Variants in MAP3K7CL observed in about 807,000 individuals in gnomAD.
MAP3K7CL encodes MAP3K7 C-terminal-like protein.
Under a neutral mutation model 18.6 loss-of-function variants are expected in MAP3K7CL, and 16 were observed. The observed-to-expected ratio is 0.86, with a 90% CI of 0.58 to 1.31. MAP3K7CL has a LOEUF of 1.31. Among genes scored for constraint, MAP3K7CL ranks in the 50% most tolerant of loss-of-function variants. MAP3K7CL has a pLI of 0.00. For missense variants in MAP3K7CL, 163 were observed against 174.4 expected (o/e 0.93, Z 0.37); for synonymous variants, 65 against 66.8 (o/e 0.97, Z 0.13).
chr21:29,087,530 A>T (rs2146488277), intron 1 of MAP3K7CL, among the ~76,000 whole-genome samples: 1 of 151,308 alleles, frequency 6.6e-6, no homozygotes, highest in East Asian at 1.9e-4. Flanking sequence ...CTTAGGTCGT[A>T]TATCTCCTAA....
chr21:29,144,040 C>T (rs2087069455), intron 2 of MAP3K7CL, among the ~76,000 whole-genome samples: 1 of 152,102 alleles, frequency 6.6e-6, no homozygotes, highest in Admixed American at 6.6e-5. Flanking sequence ...GAAATGTTCT[C>T]TCTGTCCTAA....
chr21:29,088,347 A>G (rs1744236453), intron 1 of MAP3K7CL, among the ~76,000 whole-genome samples: 1 of 152,214 alleles, frequency 6.6e-6, no homozygotes, highest in Admixed American at 6.5e-5. Context: ...GCAAGTGTTT[A>G]TTTTAAAATA....
chr21:29,165,514 C>CGTTGT (rs2087663673), intron 4 of MAP3K7CL, among the ~76,000 whole-genome samples: 2 of 151,996 alleles, frequency 1.3e-5, no homozygotes, highest in African/African-American at 2.4e-5. Flanking sequence ...CCCCAAAGTC[C>CGTTGT]ATTGTATTAT....
intron 1 of MAP3K7CL, among the ~76,000 whole-genome samples, chr21:29,078,868 G>T (rs1239083055): frequency 1.3e-5 from 2 of 152,178 alleles, no homozygotes; most frequent in Non-Finnish European, 2.9e-5. Flanking sequence ...ATGAGACAAG[G>T]CATGGCTAAG....
chr21:29,164,074 C>T (rs780044784), intron 4 of MAP3K7CL, among the ~76,000 whole-genome samples: 17 of 150,320 alleles, frequency 1.1e-4, no homozygotes, highest in African/African-American at 4.2e-4. Flanking sequence ...CACTCCAGCC[C>T]GGGTGACAGT....
At chr21:29,077,929 G>C (rs551441855) in intron 1 of MAP3K7CL, among the ~76,000 whole-genome samples, 2 of 152,316 alleles carry the variant, frequency 1.3e-5, no homozygotes, top group East Asian at 3.9e-4. Context: ...AGGATTGGGG[G>C]TTGGGGATGT....
intron 3 of MAP3K7CL, among the ~76,000 whole-genome samples, chr21:29,150,955 AGACGGGG>A (rs2087258041): frequency 6.6e-6 from 1 of 151,266 alleles, no homozygotes; most frequent in African/African-American, 2.4e-5. Context: ...TTTTTAGTAG[AGACGGGG>A]TTTTGCCATG....
chr21:29,152,967 A>G (rs905962780), intron 3 of MAP3K7CL, among the ~76,000 whole-genome samples: 4 of 152,220 alleles, frequency 2.6e-5, no homozygotes, highest in Non-Finnish European at 1.5e-5. Context: ...TCCATTACAC[A>G]TGCTTTGGTA....
chr21:29,165,383 A>G (rs1427795624), intron 4 of MAP3K7CL, among the ~76,000 whole-genome samples: 1 of 152,126 alleles, frequency 6.6e-6, no homozygotes, highest in East Asian at 1.9e-4. Flanking sequence ...GTGCTTGGTT[A>G]CATGAATAAG....
At chr21:29,145,955 T>TG (rs2087119178) in intron 2 of MAP3K7CL, among the ~76,000 whole-genome samples, 1 of 152,202 alleles carries the variant, frequency 6.6e-6, no homozygotes, top group Admixed American at 6.6e-5. Context: ...TGAGGTGACA[T>TG]GGCGTGACTA....
chr21:29,077,219 G>T (rs534722365), upstream of MAP3K7CL, among the ~76,000 whole-genome samples: 1 of 152,402 alleles, frequency 6.6e-6, no homozygotes, highest in South Asian at 2.1e-4. Context: ...TTGGGTGGTT[G>T]ATGGGACTGG....
chr21:29,092,164 C>T, intron 3 of MAP3K7CL: 2 of 422,368 alleles, frequency 4.7e-6, no homozygotes, highest in South Asian at 8.8e-5. Context: ...TTATAATCAG[C>T]TCTCTTTGTT....
rs1408250938 is a variant in MAP3K7CL, at chr21:29,133,293, C to T, written c.-39-13C>T. The T allele has an allele frequency of 6.5e-7, 1 of 1,546,780 alleles. No homozygotes were observed. Among genetic ancestry groups the T allele is most frequent in the African/African-American group, 1.4e-5 (1 of 73,082 alleles). ...CTGGATAAAGTGACAATGGCTCTCT[C>T]TTGCTGTCACAGCTGGAAGACCCAG... On this transcript the variant is annotated splice_polypyrimidine_tract_variant and intron_variant, in intron 1 of 4. Transcript: ENST00000399928.
intron 4 of MAP3K7CL, among the ~76,000 whole-genome samples, chr21:29,172,241 C>CTTTTTTTTTTTTTTTTT (rs35612617): frequency 3.2e-4 from 41 of 126,278 alleles, no homozygotes; most frequent in Non-Finnish European, 4.9e-4. Context: ...TTGTCATTTT[C>CTTTTTTTTTTTTTTTTT]TTTTTTTTTT....
At chr21:29,152,788 G>T (rs181395897) in intron 3 of MAP3K7CL, among the ~76,000 whole-genome samples, 24 of 152,254 alleles carry the variant, frequency 1.6e-4, no homozygotes, top group African/African-American at 5.8e-4. Flanking sequence ...CCAAATTTTG[G>T]TCTAAATACA....
Position 29,147,784 on chromosome 21 carries a change from T to G in MAP3K7CL, c.71-1405T>G, listed in dbSNP as rs569556264. On this transcript the variant is annotated intron_variant, in intron 2 of 4. Transcript: ENST00000399928. Reference sequence around the variant, plus strand: ...TATCTGTATGTGTACTGTATATATCTAACTGTATCTGTACTGTATATGTGT... The same window carrying G: ...TATCTGTATGTGTACTGTATATATCGAACTGTATCTGTACTGTATATGTGT... Among the ~76,000 whole-genome samples the G allele has an allele frequency of 1.2e-3, 181 of 151,906 alleles. 1 individual carries two copies. The highest frequency in any genetic ancestry group is 4.3e-3 in the African/African-American group (178 of 41,466).
intron 1 of MAP3K7CL, chr21:29,080,556 A>ACAAGGG (rs937981471): frequency 1.3e-5 from 2 of 152,220 alleles, no homozygotes; most frequent in African/African-American, 4.8e-5. Context: ...TTACAGATGT[A>ACAAGGG]CAAGGGCAGC....
At chr21:29,132,572 C>T (rs1418666180) in intron 1 of MAP3K7CL, among the ~76,000 whole-genome samples, 6 of 152,072 alleles carry the variant, frequency 3.9e-5, no homozygotes, top group Admixed American at 1.3e-4. Context: ...TGCAGTGGTA[C>T]GATCTCGGTT....
chr21:29,091,489 T>C, intron 1 of MAP3K7CL: 2 of 671,398 alleles, frequency 3.0e-6, no homozygotes, highest in Admixed American at 4.9e-5. Context: ...CTTTTTTATT[T>C]TTTCAATACA....
Sources: allele counts gnomAD v4.1 joint callset (sites outside exome capture counted in the v4.1 genomes callset), GRCh38; gene constraint gnomAD v4.1.1; transcripts MANE v1.5; gene names NCBI Gene and HGNC (gene_info 2026-07-23, HGNC 2026-07-21).